IRAK2: variants seen among roughly 807,000 people sequenced by gnomAD.
The protein encoded by IRAK2 is interleukin 1 receptor associated kinase 2, also known as interleukin-1 receptor-associated kinase-like 2.
IRAK2 carries 57 observed loss-of-function variants against 72.0 expected under a neutral mutation model. That is an observed-to-expected ratio of 0.79 (90% CI 0.64 to 0.99). The LOEUF (loss-of-function observed/expected upper bound fraction) is 0.99, where lower values mean the gene tolerates loss of function less well. Ranked by LOEUF, IRAK2 falls within the 50% of genes least tolerant of loss-of-function variation. The pLI, the probability that IRAK2 is intolerant of heterozygous loss-of-function variation, is 0.00. For missense variants in IRAK2, 790 were observed against 794.4 expected (o/e 0.99, Z 0.07); for synonymous variants, 293 against 312.7 (o/e 0.94, Z 0.67).
In IRAK2 at chr3:10,200,478, G is replaced by A. The variant is rs1302343749; in HGVS notation, c.387G>A (p.Glu129=). 1 of 1,597,228 alleles carries A rather than the reference G, an allele frequency of 6.3e-7. No individual in the cohort carries two copies. Among genetic ancestry groups the A allele is most frequent in the Non-Finnish European group, 8.6e-7 (1 of 1,168,612 alleles). Residue 129 remains glutamate (E), a synonymous_variant, in exon 3 of 13, where the codon GAG becomes GAA. Coordinates refer to ENST00000256458, the MANE Select transcript of IRAK2 (RefSeq NM_001570.4). The part of the protein sequence containing the change: ...SVRKAEDEQE[E]GQPVRMATFP... ...GAAAGGCTGAGGATGAACAGGAAGAGGGGCAGCCTGTGAGGATGGCCACCT... is the reference window on the plus strand; with the variant it reads ...GAAAGGCTGAGGATGAACAGGAAGAAGGGCAGCCTGTGAGGATGGCCACCT...
At chr3:10,168,593 C>T (rs1470740966) in intron 1 of IRAK2, among the ~76,000 whole-genome samples, 1 of 152,208 alleles carries the variant, frequency 6.6e-6, no homozygotes, top group Non-Finnish European at 1.5e-5. Flanking sequence ...TCCCTAATGA[C>T]TAATGCTGTG....
At chr3:10,187,151 T>A (rs1415701065) in intron 2 of IRAK2, among the ~76,000 whole-genome samples, 1 of 151,598 alleles carries the variant, frequency 6.6e-6, no homozygotes, top group Non-Finnish European at 1.5e-5. Context: ...CCAACTGTTA[T>A]CACTATTTTC....
chr3:10,184,188 C>T (rs775392123), intron 2 of IRAK2, among the ~76,000 whole-genome samples: 1 of 152,222 alleles, frequency 6.6e-6, no homozygotes, highest in Non-Finnish European at 1.5e-5. Flanking sequence ...TACTTTCCCT[C>T]ATAAGCTATT....
At chr3:10,170,941 G>A (rs1696785511) in intron 1 of IRAK2, among the ~76,000 whole-genome samples, 1 of 152,198 alleles carries the variant, frequency 6.6e-6, no homozygotes, top group African/African-American at 2.4e-5. Context: ...GCTTCCTGTG[G>A]GTCATTTTAG....
chr3:10,180,887 G>A (rs1230784391), intron 2 of IRAK2, among the ~76,000 whole-genome samples: 2 of 152,034 alleles, frequency 1.3e-5, no homozygotes, highest in Non-Finnish European at 2.9e-5. Context: ...GTGGGGCAGC[G>A]AGAACATCTC....
At chr3:10,234,344 A>C in intron 10 of IRAK2, 115 bp from the exon 11 acceptor site, 1 of 755,260 alleles carries the variant, frequency 1.3e-6, no homozygotes. Context: ...TATTCTTACG[A>C]TGTCCGGTCG....
intron 2 of IRAK2, among the ~76,000 whole-genome samples, chr3:10,196,307 G>A (rs141067033): frequency 3.3e-5 from 5 of 152,332 alleles, no homozygotes; most frequent in African/African-American, 1.2e-4. Context: ...TAGAGACGGG[G>A]TTTCGCCATG....
intron 4 of IRAK2, among the ~76,000 whole-genome samples, chr3:10,210,372 C>T (rs568176465): frequency 6.6e-6 from 1 of 151,948 alleles, no homozygotes; most frequent in South Asian, 2.1e-4. Flanking sequence ...CAGAGTGAGA[C>T]CCTGTCTCCA....
At chr3:10,197,077 A>T (rs1697279232) in intron 2 of IRAK2, among the ~76,000 whole-genome samples, 2 of 152,044 alleles carry the variant, frequency 1.3e-5, no homozygotes, top group South Asian at 2.1e-4. Context: ...CAAAGAAAAA[A>T]ACCCCACAAT....
chr3:10,222,930 G>C, intron 9 of IRAK2, 99 bp downstream of exon 9: 1 of 1,135,996 alleles, frequency 8.8e-7, no homozygotes. Flanking sequence ...ACACAGACAG[G>C]TTCCATCAAA....
chr3:10,173,123 G>A (rs1190397649), intron 1 of IRAK2, among the ~76,000 whole-genome samples: 1 of 152,096 alleles, frequency 6.6e-6, no homozygotes, highest in African/African-American at 2.4e-5. Context: ...AATCTCGGAG[G>A]CAGGTGCTGC....
intron 10 of IRAK2, 65 bp from the exon 11 acceptor site, chr3:10,234,394 G>C (rs1559453833): frequency 2.9e-6 from 4 of 1,362,232 alleles, no homozygotes; most frequent in African/African-American, 2.9e-5. Flanking sequence ...GGTGAGTGGG[G>C]CGCGTGCGTT....
Position 10,208,656 on chromosome 3 carries a change from G to A in IRAK2, c.425-933G>A, listed in dbSNP as rs895758329. Among the ~76,000 whole-genome samples the A allele has an allele frequency of 5.3e-5, 8 of 151,724 alleles. No homozygotes were observed. The East Asian group carries it at 1.2e-3, about 22-fold the overall frequency. On this transcript the variant is annotated intron_variant, in intron 3 of 12. Coordinates refer to ENST00000256458, the MANE Select transcript of IRAK2 (RefSeq NM_001570.4). ...CGGGCGCCTGTAGTCCCAGCTACTC[G>A]GGAGGCTGAGGCAGGAGAATGGTGT...
chr3:10,165,432 G>GGTGT (rs777397782), intron 1 of IRAK2, among the ~76,000 whole-genome samples: 24 of 145,724 alleles, frequency 1.6e-4, no homozygotes, highest in East Asian at 1.4e-3. Flanking sequence ...TTCTTGGGGG[G>GGTGT]GTGTGTGTGT....
chr3:10,237,377 G>A (rs1184218295), intron 11 of IRAK2, among the ~76,000 whole-genome samples: 1 of 152,156 alleles, frequency 6.6e-6, no homozygotes, highest in Non-Finnish European at 1.5e-5. Context: ...TCAGGGACTG[G>A]AAGATAATAA....
chr3:10,193,442 A>C (rs1370265630), intron 2 of IRAK2, among the ~76,000 whole-genome samples: 1 of 86,632 alleles, frequency 1.2e-5, no homozygotes, highest in East Asian at 2.3e-3. Context: ...TGTCTCTACC[A>C]AAAAAAAACA....
In IRAK2 at chr3:10,240,393, G is replaced by T. The variant is rs568180459; in HGVS notation, c.1765+1354G>T. Among the ~76,000 whole-genome samples the T allele has an allele frequency of 4.6e-5, 7 of 151,384 alleles. No individual in the cohort carries two copies. The South Asian group carries it at 1.5e-3, about 32-fold the overall frequency. ...AATTGCTTGAACCCGGGAGGTGGAG[G>T]CTGCAGTGAGCCGAGATTGCACCAC... On this transcript the variant is annotated intron_variant, in intron 12 of 12. Coordinates refer to ENST00000256458, the MANE Select transcript of IRAK2 (RefSeq NM_001570.4).
chr3:10,202,882 A>T (rs1697383323), intron 3 of IRAK2, among the ~76,000 whole-genome samples: 1 of 151,388 alleles, frequency 6.6e-6, no homozygotes, highest in South Asian at 2.1e-4. Context: ...TAAAGATGGG[A>T]TCTCATTATG....
chr3:10,222,266 T>C lies in IRAK2; in HGVS notation c.1014-370T>C, dbSNP rs150090763. Among the ~76,000 whole-genome samples the C allele has an allele frequency of 1.9e-3, 295 of 152,240 alleles. 5 individuals are homozygous for C. In the South Asian group the frequency reaches 0.033, roughly 17 times the overall value. Reference sequence around the variant, plus strand: ...ACAAAGGATGCTGGCCACTTAGACCTGAGTCAGCCAGGCCAGAGCTGGGGG... The same window carrying C: ...ACAAAGGATGCTGGCCACTTAGACCCGAGTCAGCCAGGCCAGAGCTGGGGG... On this transcript the variant is annotated intron_variant, in intron 8 of 12. Transcript: ENST00000256458.
Sources: gnomAD v4.1 joint callset for allele counts (sites outside exome capture counted in the v4.1 genomes callset) on GRCh38, gnomAD v4.1.1 for gene constraint, MANE v1.5 for transcripts, NCBI Gene and HGNC (gene_info 2026-07-23, HGNC 2026-07-21) for gene names.